Variants in DUSP3 observed in about 807,000 individuals in gnomAD.
DUSP3 encodes the protein dual specificity protein phosphatase 3.
A neutral mutation model predicts 15.5 loss-of-function variants in DUSP3; 7 were observed. The observed-to-expected ratio is 0.45, with a 90% CI of 0.26 to 0.85. The LOEUF is 0.85. Ranked by LOEUF, DUSP3 falls within the 40% of genes least tolerant of loss-of-function variation. The probability of loss-of-function intolerance (pLI) is 0.18; values close to 1 mark genes in which losing one functional copy is unlikely to be tolerated. For missense variants in DUSP3, 209 were observed against 251.7 expected (o/e 0.83, Z 1.15); for synonymous variants, 86 against 104.2 (o/e 0.83, Z 1.07).
Position 43,766,484 on chromosome 17 carries a change from G to A in DUSP3, c.*3125C>T, listed in dbSNP as rs534422264. On this transcript the variant is annotated 3_prime_UTR_variant, in exon 3 of 3. Transcript: ENST00000226004. ...CGAGAAAAGCTCATGTCTTCATATT[G>A]AAGATCAGTACTTTTTTTTTTTTTT... 2.0e-5 allele frequency: 3 copies of A among 150,870 alleles called. No homozygotes were observed. The highest frequency in any genetic ancestry group is 7.3e-5 in the African/African-American group (3 of 41,042). 9.3% of individuals were successfully genotyped at this position (150,870 alleles called of 1,614,324 possible). A position where few individuals can be genotyped will look rare whatever the true frequency, so the allele number is the denominator to read the frequency against.
chr17:43,767,538 A>G lies in DUSP3; in HGVS notation c.*2071T>C, dbSNP rs1974256567. The G allele has an allele frequency of 2.0e-5, 3 of 152,598 alleles. No individual in the cohort carries two copies. The South Asian group carries it at 6.2e-4, about 32-fold the overall frequency. 9.5% of individuals were successfully genotyped at this position (152,598 alleles called of 1,614,324 possible). A position where few individuals can be genotyped will look rare whatever the true frequency, so the allele number is the denominator to read the frequency against. ...GCCCAGCTCCACCTTATGGAGCTGG[A>G]CAACCCTGGGGGCCAGGCCCTTAAT... is the stretch of plus-strand genomic sequence containing the variant. On this transcript the variant is annotated 3_prime_UTR_variant, in exon 3 of 3. Transcript: ENST00000226004.
In DUSP3 at chr17:43,769,119, G is replaced by A. The variant is rs1974277825; in HGVS notation, c.*490C>T. ...AGAGGGCTGCCTATGCACAGGGTGT[G>A]GAAGGCTGTGGGGACAGTGCAGGGC... On this transcript the variant is annotated 3_prime_UTR_variant, in exon 3 of 3. Transcript: ENST00000226004. The A allele has an allele frequency of 6.4e-6, 1 of 155,796 alleles. No homozygotes were observed. Among genetic ancestry groups the A allele is most frequent in the Non-Finnish European group, 1.4e-5 (1 of 70,286 alleles). 9.7% of individuals were successfully genotyped at this position (155,796 alleles called of 1,614,324 possible).
intron 2 of DUSP3, among the ~76,000 whole-genome samples, chr17:43,774,312 G>T (rs1335914265): frequency 6.6e-6 from 1 of 152,042 alleles, no homozygotes; most frequent in African/African-American, 2.4e-5. Flanking sequence ...AGGCCACCAT[G>T]GAGCTGCTGA....
rs942479889 is a variant in DUSP3, at chr17:43,769,471, G to A, written c.*138C>T. ...AGGGTGGGGAAAGTGGCCCAGGACT[G>A]TGTTGGGACACACTTGTAGACAAGT... On this transcript the variant is annotated 3_prime_UTR_variant, in exon 3 of 3. Coordinates refer to ENST00000226004, the MANE Select transcript of DUSP3 (RefSeq NM_004090.4). The A allele has an allele frequency of 9.8e-7, 1 of 1,024,848 alleles. No homozygotes were observed. Among genetic ancestry groups the A allele is most frequent in the Non-Finnish European group, 1.4e-6 (1 of 707,856 alleles). The allele number at this position is 1,024,848 out of a possible 1,614,324, so 63.5% of individuals were successfully genotyped here.
rs1343403266 is a variant in DUSP3, at chr17:43,767,368, T to C, written c.*2241A>G. 2 of 152,668 alleles carry C rather than the reference T, an allele frequency of 1.3e-5. No individual in the cohort carries two copies. The highest frequency in any genetic ancestry group is 1.3e-4 in the Admixed American group (2 of 15,280). The allele number at this position is 152,668 out of a possible 1,614,324, so 9.5% of individuals were successfully genotyped here. On this transcript the variant is annotated 3_prime_UTR_variant, in exon 3 of 3. Coordinates refer to ENST00000226004, the MANE Select transcript of DUSP3 (RefSeq NM_004090.4). ...AGAAAGAGCTGCACATTCTAGCCTA[T>C]GAGGGACCCACCCTTTTCACTTGCT...
At chr17:43,773,585 ACC>A (rs374135628) in intron 2 of DUSP3, among the ~76,000 whole-genome samples, 1 of 152,086 alleles carries the variant, frequency 6.6e-6, no homozygotes, top group African/African-American at 2.4e-5. Context: ...GACCGCAGCT[ACC>A]CCTTTTCTCC....
intron 1 of DUSP3, 33 bp downstream of exon 1, chr17:43,778,767 G>A (rs1974425653): frequency 6.7e-6 from 10 of 1,500,364 alleles, no homozygotes; most frequent in African/African-American, 1.4e-5. Context: ...TCCCGAGAGG[G>A]ACGGCGGGGC....
intron 2 of DUSP3, among the ~76,000 whole-genome samples, chr17:43,772,136 C>A (rs1486135876): frequency 1.3e-5 from 2 of 151,894 alleles, no homozygotes; most frequent in African/African-American, 4.8e-5. Context: ...TACCTACTAA[C>A]ACCTCTATAA....
Position 43,769,818 on chromosome 17 carries a change from T to A in DUSP3, c.353-4A>T, listed in dbSNP as rs201078967. On this transcript the variant is annotated splice_region_variant and splice_polypyrimidine_tract_variant and intron_variant, in intron 2 of 2. Transcript: ENST00000226004. ...CGGCAGTGGACGAGCACCCGGCCTG[T>A]AAGAAACAGGGGAGACGTGGTGAGC... 1 of 1,613,928 alleles carries A rather than the reference T, an allele frequency of 6.2e-7. No homozygotes were observed. Among genetic ancestry groups the A allele is most frequent in the Admixed American group, 1.7e-5 (1 of 59,984 alleles).
chr17:43,777,441 C>T (rs1337286217), intron 1 of DUSP3: 1 of 452,212 alleles, frequency 2.2e-6, no homozygotes, highest in African/African-American at 2.0e-5. Flanking sequence ...CCTGATGGAC[C>T]CCTTCTAGTT....
intron 1 of DUSP3, chr17:43,777,465 C>T: frequency 2.2e-6 from 1 of 455,526 alleles, no homozygotes; most frequent in Non-Finnish European, 4.4e-6. Context: ...TGATGACCCC[C>T]ATTTCCGTGG....
intron 1 of DUSP3, among the ~76,000 whole-genome samples, 161 bp downstream of exon 1, chr17:43,778,639 G>A (rs112499115): frequency 0.046 from 6,952 of 152,146 alleles, 551 homozygotes; most frequent in African/African-American, 0.16. Context: ...GCGGGGGTAG[G>A]CGTCGACTCC....
Position 43,778,742 on chromosome 17 carries a change from C to T in DUSP3, c.125+58G>A, listed in dbSNP as rs1393906135. ...ACTCGCGACACCCCGACCCCAGCCT[C>T]GGGTGGGCGGGGCGTCCCGAGAGGG... On this transcript the variant is annotated intron_variant, in intron 1 of 2. Transcript: ENST00000226004. 8 of 1,440,626 alleles carry T rather than the reference C, an allele frequency of 5.6e-6. No homozygotes were observed. The African/African-American group carries it at 1.0e-4, about 19-fold the overall frequency. The allele number at this position is 1,440,626 out of a possible 1,614,324, so 89.2% of individuals were successfully genotyped here. A position where few individuals can be genotyped will look rare whatever the true frequency, so the allele number is the denominator to read the frequency against.
chr17:43,771,806 C>T (rs1188773488), intron 2 of DUSP3, among the ~76,000 whole-genome samples: 1 of 152,088 alleles, frequency 6.6e-6, no homozygotes, highest in South Asian at 2.1e-4. Flanking sequence ...GTCAGGAGTT[C>T]GAGACCATCC....
At chr17:43,778,729 C>T in intron 1 of DUSP3, 71 bp downstream of exon 1, 1 of 1,414,616 alleles carries the variant, frequency 7.1e-7, no homozygotes, top group Non-Finnish European at 9.3e-7. Context: ...TCGCGACACC[C>T]CGACCCCAGC....
chr17:43,774,015 G>T, intron 2 of DUSP3: 1 of 205,072 alleles, frequency 4.9e-6, no homozygotes, highest in Non-Finnish European at 1.0e-5. Context: ...GGGAGGCTGA[G>T]GCAGGAGAAT....
Position 43,778,872 on chromosome 17 carries a change from T to C in DUSP3, c.53A>G (p.Asp18Gly). The stretch of plus-strand genomic sequence containing the variant: ...CGGGAGGCTGTAGCAGCCGCTGCCG[T>C]CCGAGAGCAGGTCGTTGAGATCCTG... ...SVQDLNDLLSDGSGCYSLPSQ... is the reference protein window; with the variant it reads ...SVQDLNDLLSGGSGCYSLPSQ... Residue 18 changes from aspartate (D) to glycine (G), a missense_variant, in exon 1 of 3, where the codon GAC becomes GGC. By Grantham distance (94) the Asp-to-Gly change is moderately conservative (BLOSUM62 -1). Coordinates refer to ENST00000226004, the MANE Select transcript of DUSP3 (RefSeq NM_004090.4). 1 of 1,518,496 alleles carries C rather than the reference T, an allele frequency of 6.6e-7. No individual in the cohort carries two copies. The highest frequency in any genetic ancestry group is 2.1e-5 in the Admixed American group (1 of 47,728). The allele number at this position is 1,518,496 out of a possible 1,614,324, so 94.1% of individuals were successfully genotyped here. A position where few individuals can be genotyped will look rare whatever the true frequency, so the allele number is the denominator to read the frequency against.
Position 43,774,766 on chromosome 17 carries a change from C to A in DUSP3, c.298G>T (p.Ala100Ser), listed in dbSNP as rs758918021. ...ANDTQEFNLSAYFERAADFID... is the reference protein window; with the variant it reads ...ANDTQEFNLSSYFERAADFID... The stretch of plus-strand genomic sequence containing the variant: ...AAGTCGGCAGCCCTTTCAAAGTAAG[C>A]GCTGAGGTTGAACTCCTGTGTGTCG... Residue 100 changes from alanine to serine, a missense_variant, in exon 2 of 3, where the codon GCT (alanine) becomes TCT (serine). Coordinates refer to ENST00000226004, the MANE Select transcript of DUSP3 (RefSeq NM_004090.4). The A allele has an allele frequency of 1.2e-6, 2 of 1,614,030 alleles. No homozygotes were observed. The highest frequency in any genetic ancestry group is 1.7e-5 in the Admixed American group (1 of 59,984).
chr17:43,774,781 C>A lies in DUSP3; in HGVS notation c.283G>T (p.Glu95Ter), dbSNP rs1567782555. ...TCAAAGTAAGCGCTGAGGTTGAACTCCTGTGTGTCGTTGGCCTTGATGCCC... is the reference window on the plus strand; with the variant it reads ...TCAAAGTAAGCGCTGAGGTTGAACTACTGTGTGTCGTTGGCCTTGATGCCC... Reference protein sequence around the residue: ...YLGIKANDTQEFNLSAYFERA... With the variant: ...YLGIKANDTQ The change falls in exon 2 of 3, where the codon GAG (glutamate) becomes TAG (stop). Residue 95 changes from glutamate to a stop codon, truncating the protein, a stop_gained. Coordinates refer to ENST00000226004, the MANE Select transcript of DUSP3 (RefSeq NM_004090.4). LOFTEE classifies it high-confidence loss of function. 1.2e-6 allele frequency: 2 copies of A among 1,614,148 alleles called. No individual in the cohort carries two copies. Among genetic ancestry groups the A allele is most frequent in the Non-Finnish European group, 1.7e-6 (2 of 1,180,022 alleles).
Sources: allele counts gnomAD v4.1 joint callset (sites outside exome capture counted in the v4.1 genomes callset), GRCh38; gene constraint gnomAD v4.1.1; transcripts MANE v1.5; gene names NCBI Gene and HGNC (gene_info 2026-07-23, HGNC 2026-07-21).